The following SH3D19 variants were observed in gnomAD, a reference collection of about 807,000 sequenced individuals.
The protein encoded by SH3D19 is SH3 domain-containing protein 19.
SH3D19 carries 58 observed loss-of-function variants against 112.1 expected under a neutral mutation model. The observed-to-expected ratio is 0.52, with a 90% confidence interval of 0.42 to 0.64. The LOEUF is 0.64. SH3D19 is among the 30% of genes least tolerant of loss of function. SH3D19 has a pLI of 0.00. For synonymous variants in SH3D19, 391 were observed against 448.5 expected (o/e 0.87, Z 1.62); for missense variants, 1,090 against 1,263.4 (o/e 0.86, Z 2.08).
intron 8 of SH3D19, among the ~76,000 whole-genome samples, chr4:151,161,783 T>TTTTA (rs1554040979): frequency 1.5e-5 from 2 of 136,904 alleles, no homozygotes; most frequent in Non-Finnish European, 3.2e-5. Context: ...TTTTTTTTTT[T>TTTTA]AGATGAGGTC....
intron 1 of SH3D19, among the ~76,000 whole-genome samples, chr4:151,259,114 C>T (rs1772172097): frequency 6.6e-6 from 1 of 152,088 alleles, no homozygotes. Flanking sequence ...TCCCACTGTA[C>T]TTCTAGCCCA....
chr4:151,155,797 G>A (rs1425904811), intron 9 of SH3D19, among the ~76,000 whole-genome samples: 1 of 152,168 alleles, frequency 6.6e-6, no homozygotes, highest in African/African-American at 2.4e-5. Context: ...GCTGAGGCAG[G>A]AGAACTGCTT....
chr4:151,286,323 A>G (rs1030383700), intron 1 of SH3D19, among the ~76,000 whole-genome samples: 1 of 151,264 alleles, frequency 6.6e-6, no homozygotes, highest in Non-Finnish European at 1.5e-5. Flanking sequence ...TTTTAAAAAG[A>G]TCAATAAAAT....
chr4:151,208,894 A>G (rs549864287), intron 2 of SH3D19, among the ~76,000 whole-genome samples: 1,610 of 140,384 alleles, frequency 0.011, 14 homozygotes, highest in Non-Finnish European at 0.017. Flanking sequence ...AGCCAGGATG[A>G]TCTTGATCTC....
At chr4:151,215,976 G>A (rs938001933) in intron 2 of SH3D19, among the ~76,000 whole-genome samples, 4 of 152,006 alleles carry the variant, frequency 2.6e-5, no homozygotes, top group Non-Finnish European at 5.9e-5. Context: ...GATTACAGGC[G>A]CATGCCACCA....
At chr4:151,276,957 C>T (rs923990834) in intron 1 of SH3D19, among the ~76,000 whole-genome samples, 3 of 152,158 alleles carry the variant, frequency 2.0e-5, no homozygotes, top group South Asian at 2.1e-4. Context: ...CAGCAGGGGG[C>T]GCCACAGACC....
intron 1 of SH3D19, among the ~76,000 whole-genome samples, chr4:151,279,608 C>T (rs1200159964): frequency 6.6e-6 from 1 of 152,166 alleles, no homozygotes; most frequent in East Asian, 1.9e-4. Flanking sequence ...GAAAGAGCTA[C>T]AATCAGGGGA....
intron 7 of SH3D19, among the ~76,000 whole-genome samples, chr4:151,172,649 T>C (rs1403152530): frequency 6.6e-6 from 1 of 152,216 alleles, no homozygotes; most frequent in East Asian, 1.9e-4. Flanking sequence ...TGAGGAGTAG[T>C]ATTACGTCTA....
chr4:151,282,517 A>C, intron 1 of SH3D19: 1 of 1,127,906 alleles, frequency 8.9e-7, no homozygotes. Flanking sequence ...TTTTTCAACA[A>C]AACCAGATCA....
At chr4:151,195,071 TA>T (rs35607961) in intron 2 of SH3D19, among the ~76,000 whole-genome samples, 1,861 of 123,302 alleles carry the variant, frequency 0.015, 37 homozygotes, top group African/African-American at 0.052. Context: ...AAGACCATCT[TA>T]AAAAAAAAAA....
intron 2 of SH3D19, among the ~76,000 whole-genome samples, chr4:151,195,181 TAACATGGTGA>T (rs1178291952): frequency 6.6e-6 from 1 of 150,804 alleles, no homozygotes; most frequent in Non-Finnish European, 1.5e-5. Context: ...CCATCCTGGC[TAACATGGTGA>T]AACCTCGTCT....
intron 1 of SH3D19, among the ~76,000 whole-genome samples, chr4:151,233,747 C>T (rs752679318): frequency 9.2e-5 from 14 of 152,188 alleles, no homozygotes; most frequent in African/African-American, 9.7e-5. Flanking sequence ...TTCTGCCTAA[C>T]GCACCCTATC....
At chr4:151,261,666 TTC>T (rs1223988166) in intron 1 of SH3D19, 1 of 152,238 alleles carries the variant, frequency 6.6e-6, no homozygotes, top group Non-Finnish European at 1.5e-5. Flanking sequence ...AGACTTCAAA[TTC>T]TCTGTGACCC....
chr4:151,206,318 T>G (rs1049832349), intron 2 of SH3D19, among the ~76,000 whole-genome samples: 1 of 152,178 alleles, frequency 6.6e-6, no homozygotes, highest in African/African-American at 2.4e-5. Context: ...TTTTTTTGTG[T>G]GTGTGTGTCT....
At chr4:151,308,070 T>C (rs1729095066) in intron 1 of SH3D19, among the ~76,000 whole-genome samples, 2 of 152,132 alleles carry the variant, frequency 1.3e-5, no homozygotes, top group African/African-American at 4.8e-5. Context: ...CACACCCAGC[T>C]AATTTTTGTA....
intron 3 of SH3D19, among the ~76,000 whole-genome samples, chr4:151,180,170 G>A (rs1760630141): frequency 1.3e-5 from 2 of 152,146 alleles, no homozygotes. Context: ...GAGCCACTAT[G>A]CCCAGCCTTT....
At chr4:151,236,401 G>A (rs1452970882) in intron 1 of SH3D19, among the ~76,000 whole-genome samples, 1 of 152,278 alleles carries the variant, frequency 6.6e-6, no homozygotes, top group African/African-American at 2.4e-5. Flanking sequence ...CGGGCTAGGT[G>A]CTGCAAAGTC....
intron 1 of SH3D19, among the ~76,000 whole-genome samples, chr4:151,260,865 T>C (rs1772326059): frequency 6.6e-6 from 1 of 152,212 alleles, no homozygotes; most frequent in Non-Finnish European, 1.5e-5. Context: ...GCTGACTTCT[T>C]CCTTTTGGGA....
Position 151,323,070 on chromosome 4 carries a change from A to G in SH3D19, c.112+2171T>C, listed in dbSNP as rs568064233. On this transcript the variant is annotated intron_variant, in intron 1 of 19. Transcript: ENST00000604030. ...TTTCTTGACTTGAGCATGAGTTACAAGAGTTTTTACTTTATAATTTACAAA... is the reference window on the plus strand; with the variant it reads ...TTTCTTGACTTGAGCATGAGTTACAGGAGTTTTTACTTTATAATTTACAAA... 2.0e-3 allele frequency among the ~76,000 whole-genome samples: 303 copies of G among 152,312 alleles called. 1 individual carries two copies. The highest frequency in any genetic ancestry group is 7.0e-3 in the African/African-American group (291 of 41,566).
Sources: gnomAD v4.1 joint callset for allele counts (sites outside exome capture counted in the v4.1 genomes callset) on GRCh38, gnomAD v4.1.1 for gene constraint, MANE v1.5 for transcripts, NCBI Gene and HGNC (gene_info 2026-07-23, HGNC 2026-07-21) for gene names.